IQGAP2: variants seen among roughly 807,000 people sequenced by gnomAD.
The protein encoded by IQGAP2 is IQ motif containing GTPase activating protein 2.
Under a neutral mutation model 201.3 loss-of-function variants are expected in IQGAP2, and 173 were observed. That is an observed-to-expected ratio of 0.86 (90% confidence interval 0.76 to 0.98). The LOEUF (loss-of-function observed/expected upper bound fraction) is 0.98. Among genes scored for constraint, IQGAP2 ranks in the 50% least tolerant of loss-of-function variants. The pLI is 0.00. For synonymous variants in IQGAP2, 675 were observed against 673.9 expected (o/e 1.00, Z -0.03); for missense variants, 1,687 against 1,864.8 (o/e 0.90, Z 1.76).
intron 2 of IQGAP2, among the ~76,000 whole-genome samples, chr5:76,535,109 G>A (rs528872499): frequency 4.6e-5 from 7 of 152,244 alleles, no homozygotes; most frequent in African/African-American, 1.7e-4. Flanking sequence ...CAGGGCCTAG[G>A]TCCAGGTGAA....
chr5:76,531,084 T>A (rs1357553551), intron 2 of IQGAP2, among the ~76,000 whole-genome samples: 1 of 152,172 alleles, frequency 6.6e-6, no homozygotes, highest in African/African-American at 2.4e-5. Context: ...CAGAAATTTA[T>A]TTCTTTCAGT....
chr5:76,684,843 A>AT (rs542669241), intron 30 of IQGAP2, among the ~76,000 whole-genome samples: 1,680 of 149,236 alleles, frequency 0.011, 19 homozygotes, highest in Middle Eastern at 0.031. Context: ...TCTCCACTTG[A>AT]TTTTTTTTTT....
intron 2 of IQGAP2, chr5:76,547,522 A>G: frequency 2.0e-6 from 1 of 498,076 alleles, no homozygotes; most frequent in East Asian, 1.5e-4. Flanking sequence ...AAGACGTGTT[A>G]AAAGTGCAAG....
intron 27 of IQGAP2, among the ~76,000 whole-genome samples, chr5:76,676,698 C>T (rs1744851643): frequency 6.6e-6 from 1 of 152,110 alleles, no homozygotes. Flanking sequence ...CATCGGCCAG[C>T]AAATATTTGC....
chr5:76,651,045 CT>C (rs1371360443), intron 17 of IQGAP2, among the ~76,000 whole-genome samples: 4 of 152,142 alleles, frequency 2.6e-5, no homozygotes, highest in Non-Finnish European at 4.4e-5. Context: ...AAACTATACC[CT>C]TTTGTAGTTT....
In IQGAP2 at chr5:76,590,416, G is replaced by T; in HGVS notation, c.649G>T (p.Ala217Ser). Reference sequence around the variant, plus strand: ...CTCTCTTTACTTTTTAGTACATGCTGCAGTTATAGCCATTAATGAAGCAGT... The same window carrying T: ...CTCTCTTTACTTTTTAGTACATGCTTCAGTTATAGCCATTAATGAAGCAGT... ...LSVDEAALHA[A>S]VIAINEAVEK... The change falls in exon 8 of 36, where the codon GCA becomes TCA. Residue 217 changes from alanine to serine, a missense_variant. Ala to Ser is a moderately conservative substitution (Grantham distance 99). Coordinates refer to ENST00000274364, the MANE Select transcript of IQGAP2 (RefSeq NM_006633.5). 1 of 1,599,470 alleles carries T rather than the reference G, an allele frequency of 6.3e-7. No homozygotes were observed. The highest frequency in any genetic ancestry group is 8.5e-7 in the Non-Finnish European group (1 of 1,173,640).
At chr5:76,633,031 CCT>C (rs1299435876) in intron 15 of IQGAP2, among the ~76,000 whole-genome samples, 2 of 152,192 alleles carry the variant, frequency 1.3e-5, no homozygotes, top group African/African-American at 4.8e-5. Context: ...TGTAATGTCC[CCT>C]GTCTCATCCT....
intron 5 of IQGAP2, among the ~76,000 whole-genome samples, chr5:76,584,171 C>T (rs561547284): frequency 2.6e-5 from 4 of 151,496 alleles, no homozygotes; most frequent in Non-Finnish European, 5.9e-5. Context: ...TGTGCCCAGC[C>T]GAGAAAAATA....
chr5:76,500,414 G>A (rs1757210203), intron 2 of IQGAP2, among the ~76,000 whole-genome samples: 1 of 152,056 alleles, frequency 6.6e-6, no homozygotes, highest in Non-Finnish European at 1.5e-5. Context: ...ATAAAATATA[G>A]AAATGCATAA....
intron 2 of IQGAP2, among the ~76,000 whole-genome samples, chr5:76,490,875 A>G (rs1756496292): frequency 6.6e-6 from 1 of 152,178 alleles, no homozygotes; most frequent in Non-Finnish European, 1.5e-5. Flanking sequence ...AACAACCTTG[A>G]GCATTTTTCT....
At chr5:76,444,977 T>A (rs1204894776) in intron 1 of IQGAP2, among the ~76,000 whole-genome samples, 1 of 152,216 alleles carries the variant, frequency 6.6e-6, no homozygotes, top group Non-Finnish European at 1.5e-5. Context: ...AGATACCATT[T>A]CTAATTTGAA....
chr5:76,585,836 A>G (rs1057269588), intron 5 of IQGAP2, among the ~76,000 whole-genome samples: 1 of 152,138 alleles, frequency 6.6e-6, no homozygotes, highest in Non-Finnish European at 1.5e-5. Context: ...TTCTTAAATG[A>G]TGGCTTGATC....
chr5:76,686,864 C>T (rs1039262601), intron 30 of IQGAP2, among the ~76,000 whole-genome samples: 1 of 152,206 alleles, frequency 6.6e-6, no homozygotes, highest in Non-Finnish European at 1.5e-5. Flanking sequence ...ATTAGTTAAA[C>T]AGACTATTCT....
At chr5:76,605,144 G>A (rs115184486) in intron 11 of IQGAP2, among the ~76,000 whole-genome samples, 35 of 152,332 alleles carry the variant, frequency 2.3e-4, no homozygotes, top group African/African-American at 7.7e-4. Flanking sequence ...GCCTATGGTT[G>A]TAACATTGGT....
At chr5:76,604,139 C>T (rs1224475668) in intron 11 of IQGAP2, among the ~76,000 whole-genome samples, 2 of 151,974 alleles carry the variant, frequency 1.3e-5, no homozygotes, top group African/African-American at 4.8e-5. Flanking sequence ...GTTCCCCACC[C>T]CCTGACATGC....
chr5:76,422,050 G>A (rs934460691), intron 1 of IQGAP2, among the ~76,000 whole-genome samples: 6 of 152,166 alleles, frequency 3.9e-5, no homozygotes, highest in South Asian at 4.1e-4. Flanking sequence ...ATTTCCCATT[G>A]ATTTTAAAGG....
At chr5:76,524,624 T>G (rs1393770114) in intron 2 of IQGAP2, among the ~76,000 whole-genome samples, 1 of 152,142 alleles carries the variant, frequency 6.6e-6, no homozygotes, top group Admixed American at 6.5e-5. Flanking sequence ...TCAAAAAACA[T>G]AAGAGTTGAA....
rs35291690 is a variant in IQGAP2 at position 76,589,311 on chromosome 5, C to CAA, written c.527-284_527-283dup. Among the ~76,000 whole-genome samples, 705 of 106,784 alleles carry CAA rather than the reference C, an allele frequency of 6.6e-3. 6 individuals are homozygous for CAA. The highest frequency in any genetic ancestry group is 0.019 in the African/African-American group (541 of 28,402). The allele number at this position is 106,784 out of a possible 152,430, so 70.1% of individuals were successfully genotyped here. On this transcript the variant is annotated intron_variant, in intron 6 of 35. Coordinates refer to ENST00000274364, the MANE Select transcript of IQGAP2 (RefSeq NM_006633.5). ...TGGACGACAGAGCGAGACTCTGCCTCAAAAAAAAAAAAAAAAAAAAATTAC... is the reference window on the plus strand; with the variant it reads ...TGGACGACAGAGCGAGACTCTGCCTCAAAAAAAAAAAAAAAAAAAAAAATTAC...
chr5:76,668,353 A>G (rs1203636901), intron 22 of IQGAP2, among the ~76,000 whole-genome samples: 1 of 151,290 alleles, frequency 6.6e-6, no homozygotes, highest in African/African-American at 2.4e-5. Flanking sequence ...ATTTTCTACT[A>G]TAGCTTCCTA....
Sources: allele counts gnomAD v4.1 joint callset (sites outside exome capture counted in the v4.1 genomes callset), GRCh38; gene constraint gnomAD v4.1.1; transcripts MANE v1.5; gene names NCBI Gene and HGNC (gene_info 2026-07-23, HGNC 2026-07-21).